UNC93A: variants seen among roughly 807,000 people sequenced by gnomAD.
The protein encoded by UNC93A is unc-93 homolog A, also known as N-acetylglucosamine transporter UNC93A.
UNC93A carries 43 observed loss-of-function variants against 47.5 expected under a neutral mutation model. The observed-to-expected ratio is 0.91, with a 90% CI of 0.71 to 1.17. The LOEUF is 1.17. UNC93A is among the 50% of genes most tolerant of loss of function. The pLI is 0.00. For synonymous variants in UNC93A, 280 were observed against 258.0 expected (o/e 1.09, Z -0.82); for missense variants, 605 against 577.6 (o/e 1.05, Z -0.49).
intron 2 of UNC93A, among the ~76,000 whole-genome samples, chr6:167,295,261 G>A (rs1047393222): frequency 6.6e-6 from 1 of 152,222 alleles, no homozygotes; most frequent in Non-Finnish European, 1.5e-5. Context: ...GTTGTGCCAG[G>A]ACATGCTGCT....
Position 167,271,915 on chromosome 6 carries a change from G to A in UNC93A, c.-52+457G>A, listed in dbSNP as rs114585622. 4.0e-3 allele frequency among the ~76,000 whole-genome samples: 612 copies of A among 152,274 alleles called. 8 individuals are homozygous for A. Among genetic ancestry groups the A allele is most frequent in the African/African-American group, 0.014 (589 of 41,540 alleles). On this transcript the variant is annotated intron_variant, in intron 1 of 3. Coordinates refer to the UNC93A transcript ENST00000503433. The stretch of plus-strand genomic sequence containing the variant: ...CCAGCTAAACACATGGGAAATGAAT[G>A]GAGGATAAGGGCTAGTTCCTAGTAG...
intron 7 of UNC93A, among the ~76,000 whole-genome samples, chr6:167,312,833 G>A (rs1250005478): frequency 6.6e-6 from 1 of 152,166 alleles, no homozygotes; most frequent in African/African-American, 2.4e-5. Context: ...CTTTATGTTT[G>A]GATTAAAATA....
At chr6:167,293,453 C>T (rs1044138167) in intron 1 of UNC93A, among the ~76,000 whole-genome samples, 3 of 152,136 alleles carry the variant, frequency 2.0e-5, no homozygotes, top group Admixed American at 6.5e-5. Context: ...GTGCTTTAAC[C>T]CTCTAACTGG....
At chr6:167,300,912 T>C (rs1778224793) in intron 4 of UNC93A, among the ~76,000 whole-genome samples, 2 of 152,226 alleles carry the variant, frequency 1.3e-5, no homozygotes, top group African/African-American at 4.8e-5. Context: ...AGCCTTCCTC[T>C]GTGAAGGGCT....
rs1421906166 is a variant in UNC93A, at chr6:167,315,337, T to G, written c.1259T>G (p.Leu420Arg). The change falls in exon 8 of 8, where the codon CTG (leucine) becomes CGG (arginine). Residue 420 changes from leucine to arginine, a missense_variant. Transcript: ENST00000230256. ...KLYILLGVLS[L>R]TMVAYGLVEC... ...TACATTCTGCTGGGGGTCCTGAGCC[T>G]GACCATGGTGGCGTATGGGCTTGTG... The G allele has an allele frequency of 6.2e-7, 1 of 1,613,940 alleles. No individual in the cohort carries two copies. The highest frequency in any genetic ancestry group is 1.7e-4 in the Middle Eastern group (1 of 6,048).
At chr6:167,282,244 C>G (rs1473716798) in intron 1 of UNC93A, among the ~76,000 whole-genome samples, 1 of 152,072 alleles carries the variant, frequency 6.6e-6, no homozygotes, top group African/African-American at 2.4e-5. Flanking sequence ...TCCAGGGGGT[C>G]TAGAGGTTCT....
At chr6:167,314,518 C>CAAT (rs1778639212) in intron 7 of UNC93A, among the ~76,000 whole-genome samples, 1 of 152,148 alleles carries the variant, frequency 6.6e-6, no homozygotes, top group Admixed American at 6.5e-5. Context: ...GGGTGGAGCC[C>CAAT]CAAAAGGAGC....
chr6:167,308,331 C>G (rs749739284), intron 7 of UNC93A, among the ~76,000 whole-genome samples: 13 of 152,280 alleles, frequency 8.5e-5, no homozygotes, highest in Non-Finnish European at 1.6e-4. Context: ...TTCCAAGGAG[C>G]CCACGGGACG....
intron 1 of UNC93A, among the ~76,000 whole-genome samples, chr6:167,279,816 T>C (rs1415992276): frequency 6.6e-6 from 1 of 152,218 alleles, no homozygotes. Flanking sequence ...TGCCAGACCC[T>C]TATCCTTGGA....
rs1234723129 is a variant in UNC93A, at chr6:167,298,267, A to T, written c.625+197A>T. 4 of 786,384 alleles carry T rather than the reference A, an allele frequency of 5.1e-6. No individual in the cohort carries two copies. The Admixed American group carries it at 1.3e-4, about 26-fold the overall frequency. The allele number at this position is 786,384 out of a possible 1,614,324, so 48.7% of individuals were successfully genotyped here. ...ATGCAGTACACCCGTGCTGTCTAAC[A>T]GAGGATCCTGGGGTGATGAGATTGT... On this transcript the variant is annotated intron_variant, in intron 4 of 7. Transcript: ENST00000230256.
upstream of UNC93A, among the ~76,000 whole-genome samples, chr6:167,289,887 C>A (rs1385437925): frequency 6.6e-6 from 1 of 152,158 alleles, no homozygotes; most frequent in African/African-American, 2.4e-5. Context: ...ATGCTAATTT[C>A]TTTACATATT....
At chr6:167,271,606 A>G (rs984525241) in intron 1 of UNC93A, 4 of 152,146 alleles carry the variant, frequency 2.6e-5, no homozygotes, top group Admixed American at 2.6e-4. Context: ...CATAAGTGGG[A>G]CACACATATG....
At chr6:167,292,661 A>G (rs1311904713) in intron 1 of UNC93A, among the ~76,000 whole-genome samples, 1 of 152,158 alleles carries the variant, frequency 6.6e-6, no homozygotes, top group Non-Finnish European at 1.5e-5. Context: ...GCAATGGTTC[A>G]TTACTTTTGG....
intron 1 of UNC93A, among the ~76,000 whole-genome samples, chr6:167,285,389 A>C (rs1783708956): frequency 6.6e-6 from 1 of 151,814 alleles, no homozygotes; most frequent in Non-Finnish European, 1.5e-5. Flanking sequence ...GTGCTTCTTT[A>C]CAGCTCATCA....
At chr6:167,307,220 G>T (rs1030162409) in intron 6 of UNC93A, among the ~76,000 whole-genome samples, 2 of 152,236 alleles carry the variant, frequency 1.3e-5, no homozygotes, top group African/African-American at 2.4e-5. Flanking sequence ...CATGATGCCA[G>T]ACCACACCCA....
At chr6:167,288,236 C>T (rs1783775017), upstream of UNC93A, among the ~76,000 whole-genome samples, 1 of 152,140 alleles carries the variant, frequency 6.6e-6, no homozygotes, top group Admixed American at 6.5e-5. Flanking sequence ...AGCCAACTGG[C>T]CCCAAAGCTT....
At chr6:167,297,836 TC>T (rs986134857) in intron 3 of UNC93A, 108 bp from the exon 4 acceptor site, 8 of 1,415,274 alleles carry the variant, frequency 5.7e-6, no homozygotes, top group South Asian at 4.0e-5. Flanking sequence ...TAGTGATGCC[TC>T]CCCCCAGGTG....
intron 1 of UNC93A, among the ~76,000 whole-genome samples, chr6:167,276,945 C>G (rs2115075862): frequency 6.6e-6 from 1 of 152,346 alleles, no homozygotes; most frequent in South Asian, 2.1e-4. Context: ...CTTTGCTGTT[C>G]TGTGCCCAGG....
Position 167,291,506 on chromosome 6 carries a change from G to A in UNC93A, c.17G>A (p.Arg6Lys), listed in dbSNP as rs36110805. The A allele has an allele frequency of 3.5e-3, 5,697 of 1,613,862 alleles. 182 individuals are homozygous for A. In the African/African-American group the frequency reaches 0.067, roughly 19 times the overall value. MDRSL[R>K]NVLVVSFGFL... ...TCCAGCACAATGGACAGAAGTCTAA[G>A]GAACGTCCTTGTGGTTTCCTTTGGG... is the stretch of plus-strand genomic sequence containing the variant. The change falls in exon 1 of 8, where the codon AGG becomes AAG. Residue 6 changes from arginine to lysine, a missense_variant. Transcript: ENST00000230256.
Sources: gnomAD v4.1 joint callset for allele counts (sites outside exome capture counted in the v4.1 genomes callset) on GRCh38, gnomAD v4.1.1 for gene constraint, MANE v1.5 for transcripts, NCBI Gene and HGNC (gene_info 2026-07-23, HGNC 2026-07-21) for gene names.